The following FRMD5 variants were observed in gnomAD, a reference collection of about 807,000 sequenced individuals.
The protein encoded by FRMD5 is FERM domain containing 5, also known as FERM domain-containing protein 5.
A neutral mutation model predicts 69.0 loss-of-function variants in FRMD5; 20 were observed. The observed-to-expected ratio is 0.29, with a 90% CI of 0.20 to 0.42. The LOEUF is 0.42. FRMD5 is among the 10% of genes least tolerant of loss of function. The probability of loss-of-function intolerance (pLI) is 1.00; values close to 1 mark genes in which losing one functional copy is unlikely to be tolerated. For synonymous variants in FRMD5, 271 were observed against 260.1 expected, an observed-to-expected ratio of 1.04 and a Z score of -0.40; for missense variants, 595 against 708.6, an observed-to-expected ratio of 0.84 and a Z score of 1.82.
At chr15:43,905,385 C>T (rs554769250) in intron 6 of FRMD5, among the ~76,000 whole-genome samples, 1 of 152,282 alleles carries the variant, frequency 6.6e-6, no homozygotes, top group African/African-American at 2.4e-5. Context: ...GATCCACCTG[C>T]CTCGACCTCC....
At chr15:44,044,755 G>A (rs1892357544) in intron 1 of FRMD5, among the ~76,000 whole-genome samples, 1 of 151,570 alleles carries the variant, frequency 6.6e-6, no homozygotes, top group Non-Finnish European at 1.5e-5. Context: ...ACACACTGGG[G>A]CCTGTCAGGG....
intron 4 of FRMD5, among the ~76,000 whole-genome samples, chr15:43,910,271 G>C (rs889662293): frequency 6.6e-6 from 1 of 152,080 alleles, no homozygotes; most frequent in Non-Finnish European, 1.5e-5. Flanking sequence ...GCTGAGCTTT[G>C]GAAGGAGCCA....
intron 1 of FRMD5, among the ~76,000 whole-genome samples, chr15:44,106,588 A>G (rs1232796610): frequency 2.0e-5 from 3 of 152,180 alleles, no homozygotes; most frequent in Middle Eastern, 3.2e-3. Context: ...GGCTTAATAA[A>G]TGTGGTTCCA....
At chr15:43,941,382 T>G (rs2089860952) in intron 1 of FRMD5, among the ~76,000 whole-genome samples, 1 of 152,214 alleles carries the variant, frequency 6.6e-6, no homozygotes, top group Admixed American at 6.5e-5. Context: ...CTTGAGTAGC[T>G]AGCACTACAG....
At chr15:43,920,165 C>A (rs751629155) in intron 2 of FRMD5, among the ~76,000 whole-genome samples, 3 of 152,170 alleles carry the variant, frequency 2.0e-5, no homozygotes, top group Non-Finnish European at 4.4e-5. Context: ...TGGGTTGAGT[C>A]GGGAAATACT....
At chr15:44,038,274 T>C (rs986864032) in intron 1 of FRMD5, among the ~76,000 whole-genome samples, 3 of 152,176 alleles carry the variant, frequency 2.0e-5, no homozygotes, top group Admixed American at 2.0e-4. Context: ...TCTTTTGCTG[T>C]GCAGAAGCTC....
intron 1 of FRMD5, among the ~76,000 whole-genome samples, chr15:44,093,159 T>C (rs2076499477): frequency 6.6e-6 from 1 of 152,044 alleles, no homozygotes; most frequent in South Asian, 2.1e-4. Flanking sequence ...CTCGATCTCT[T>C]AACCTCGTGA....
intron 6 of FRMD5, 134 bp from the exon 7 acceptor site, chr15:43,902,396 C>T (rs1004151260): frequency 1.4e-6 from 1 of 705,806 alleles, no homozygotes; most frequent in Non-Finnish European, 2.5e-6. Context: ...CTGCTTGGTT[C>T]TAGGACCAAC....
chr15:43,965,189 G>A (rs1186835227), intron 1 of FRMD5, among the ~76,000 whole-genome samples: 1 of 152,174 alleles, frequency 6.6e-6, no homozygotes, highest in Non-Finnish European at 1.5e-5. Context: ...GGGCTTGAAG[G>A]AACGGGCAGA....
In FRMD5 at chr15:43,877,818, G is replaced by A. The variant is rs541787564; in HGVS notation, c.1136-3356C>T. Among the ~76,000 whole-genome samples the A allele has an allele frequency of 5.3e-5, 8 of 152,312 alleles. No homozygotes were observed. In the South Asian group the frequency reaches 1.7e-3, roughly 32 times the overall value. On this transcript the variant is annotated intron_variant, in intron 13 of 13. Transcript: ENST00000417257. ...AGGGCAAGAGGTTATCTGAAGTCATGTGGTTGGCAGTTAATGGCAAAACCA... is the reference window on the plus strand; with the variant it reads ...AGGGCAAGAGGTTATCTGAAGTCATATGGTTGGCAGTTAATGGCAAAACCA...
intron 1 of FRMD5, among the ~76,000 whole-genome samples, chr15:43,985,743 G>A (rs1889364397): frequency 6.6e-6 from 1 of 152,166 alleles, no homozygotes; most frequent in African/African-American, 2.4e-5. Context: ...ACGATCACAA[G>A]CTAGCGGGGC....
At chr15:44,118,750 T>G (rs1343381193) in intron 1 of FRMD5, among the ~76,000 whole-genome samples, 1 of 152,166 alleles carries the variant, frequency 6.6e-6, no homozygotes, top group Non-Finnish European at 1.5e-5. Flanking sequence ...ATACACAGCT[T>G]TGTATGGAAT....
intron 4 of FRMD5, among the ~76,000 whole-genome samples, chr15:43,918,098 C>A (rs926334964): frequency 6.6e-6 from 1 of 152,196 alleles, no homozygotes; most frequent in African/African-American, 2.4e-5. Context: ...AATTTTTGCT[C>A]CTTTCACCTG....
intron 1 of FRMD5, among the ~76,000 whole-genome samples, chr15:44,062,640 A>C (rs1489975022): frequency 6.6e-6 from 1 of 150,688 alleles, no homozygotes; most frequent in Non-Finnish European, 1.5e-5. Context: ...CAGTGAGCTA[A>C]GATTGCACCA....
chr15:43,899,869 G>C (rs981058543), intron 7 of FRMD5, among the ~76,000 whole-genome samples: 6 of 152,190 alleles, frequency 3.9e-5, no homozygotes, highest in African/African-American at 1.4e-4. Flanking sequence ...CAGGCTGGCT[G>C]CCACTACAGC....
intron 1 of FRMD5, among the ~76,000 whole-genome samples, chr15:44,178,256 T>C (rs1483911083): frequency 2.0e-5 from 3 of 151,464 alleles, no homozygotes; most frequent in African/African-American, 7.3e-5. Flanking sequence ...ACCTGGGAGG[T>C]GGAAGTTGCA....
At chr15:43,912,976 T>C (rs1035295470) in intron 4 of FRMD5, among the ~76,000 whole-genome samples, 8 of 147,762 alleles carry the variant, frequency 5.4e-5, no homozygotes, top group Admixed American at 4.8e-4. Flanking sequence ...GAGGTGGCAG[T>C]GCGCCAAGAT....
chr15:44,095,202 CTTTCT>C (rs1036411818), intron 1 of FRMD5, among the ~76,000 whole-genome samples: 3 of 151,314 alleles, frequency 2.0e-5, no homozygotes, highest in South Asian at 2.1e-4. Flanking sequence ...TTCACAATTT[CTTTCT>C]TTTTTTTTTT....
intron 1 of FRMD5, among the ~76,000 whole-genome samples, chr15:44,147,690 C>A (rs891817081): frequency 6.6e-6 from 1 of 152,124 alleles, no homozygotes; most frequent in Non-Finnish European, 1.5e-5. Context: ...TGTTGCCCCA[C>A]CTAGACAACA....
Sources: gnomAD v4.1 joint callset for allele counts (sites outside exome capture counted in the v4.1 genomes callset) on GRCh38, gnomAD v4.1.1 for gene constraint, MANE v1.5 for transcripts, NCBI Gene and HGNC (gene_info 2026-07-23, HGNC 2026-07-21) for gene names.